The following NRDC variants were observed in gnomAD, a reference collection of about 807,000 sequenced individuals.
The protein encoded by NRDC is nardilysin.
NRDC carries 54 observed loss-of-function variants against 147.1 expected under a neutral mutation model. The observed-to-expected ratio is 0.37, with a 90% CI of 0.29 to 0.46. NRDC has a LOEUF of 0.46. Ranked by LOEUF, NRDC falls within the 20% of genes least tolerant of loss-of-function variation. The pLI is 1.00. For missense variants in NRDC, 1,082 were observed against 1,370.6 expected (o/e 0.79, Z 3.33); for synonymous variants, 440 against 482.1 (o/e 0.91, Z 1.14).
At chr1:51,800,905 A>G in intron 20 of NRDC, 1 of 480,422 alleles carries the variant, frequency 2.1e-6, no homozygotes, top group Non-Finnish European at 3.7e-6. Context: ...CAGTGGTACT[A>G]TCGACTGTAA....
chr1:51,819,999 G>A (rs1360460180), intron 8 of NRDC, 126 bp from the exon 9 acceptor site: 10 of 697,464 alleles, frequency 1.4e-5, no homozygotes, highest in Non-Finnish European at 2.4e-5. Context: ...AAGCATTCCA[G>A]GCATGAACAA....
intron 1 of NRDC, among the ~76,000 whole-genome samples, chr1:51,871,075 G>A (rs1050082896): frequency 1.1e-4 from 17 of 152,178 alleles, no homozygotes; most frequent in Middle Eastern, 3.4e-3. Context: ...CCAGCACTTT[G>A]GGAGGCTGAG....
chr1:51,789,635 G>A lies in NRDC; in HGVS notation c.3191C>T (p.Ser1064Leu), dbSNP rs766167929. The A allele has an allele frequency of 7.4e-6, 12 of 1,613,266 alleles. No homozygotes were observed. The highest frequency in any genetic ancestry group is 9.3e-6 in the Non-Finnish European group (11 of 1,179,376). The part of the protein sequence containing the change: ...AHEIEALKSF[S>L]KSDLVNWFKA... Reference sequence around the variant, plus strand: ...GAACCAGTTGACCAGGTCTGATTTTGAGAATGACTTCAGTGCTTCAATCTT... The same window carrying A: ...GAACCAGTTGACCAGGTCTGATTTTAAGAATGACTTCAGTGCTTCAATCTT... The change falls in exon 30 of 31, where the codon TCA (serine) becomes TTA (leucine). Residue 1064 changes from serine (S) to leucine (L), a missense_variant. Physicochemically the swap from Ser to Leu is moderately radical, Grantham distance 145. Around this residue, in one of 3 missense-constraint regions of NRDC, gnomAD observed 187 missense variants for 193.6 expected, o/e 0.97. Transcript: ENST00000352171.
At chr1:51,806,639 G>A (rs1409478714) in intron 18 of NRDC, among the ~76,000 whole-genome samples, 155 bp downstream of exon 18, 1 of 152,198 alleles carries the variant, frequency 6.6e-6, no homozygotes, top group East Asian at 1.9e-4. Context: ...TTTAGGGAGG[G>A]TGAGAGGGCA....
Position 51,836,219 on chromosome 1 carries a change from T to A in NRDC, c.631-7A>T, listed in dbSNP as rs777166188. On this transcript the variant is annotated splice_region_variant and splice_polypyrimidine_tract_variant and intron_variant, in intron 2 of 30. Coordinates refer to ENST00000352171, the MANE Select transcript of NRDC (RefSeq NM_001101662.2). The stretch of plus-strand genomic sequence containing the variant: ...CACAAAGAGCCGCTGCAGACTGGAG[T>A]AATTAGAACACATACAAATAGTTGA... 5.0e-6 allele frequency: 8 copies of A among 1,613,352 alleles called. No homozygotes were observed. The highest frequency in any genetic ancestry group is 4.2e-6 in the Non-Finnish European group (5 of 1,179,500).
chr1:51,848,834 G>A (rs1262664389), intron 1 of NRDC, among the ~76,000 whole-genome samples: 1 of 152,180 alleles, frequency 6.6e-6, no homozygotes, highest in East Asian at 1.9e-4. Context: ...TTTTATGGAT[G>A]AGGAAACTGA....
chr1:51,842,176 A>C (rs1278098926), intron 1 of NRDC, among the ~76,000 whole-genome samples: 5 of 151,348 alleles, frequency 3.3e-5, no homozygotes, highest in Non-Finnish European at 5.9e-5. Context: ...TGTCCCAAAA[A>C]TTAATAAATA....
At chr1:51,846,538 G>A (rs911889924) in intron 1 of NRDC, among the ~76,000 whole-genome samples, 14 of 152,230 alleles carry the variant, frequency 9.2e-5, no homozygotes, top group African/African-American at 2.9e-4. Flanking sequence ...TCTTAAAAGC[G>A]GCTTGTTTGG....
intron 2 of NRDC, chr1:51,840,002 TA>T (rs1373976144): frequency 2.5e-6 from 1 of 404,968 alleles, no homozygotes; most frequent in Non-Finnish European, 4.3e-6. Context: ...GGGTGATTTT[TA>T]TATTTTTGTT....
chr1:51,807,376 A>T (rs1026631434), intron 17 of NRDC, among the ~76,000 whole-genome samples: 2 of 152,194 alleles, frequency 1.3e-5, no homozygotes, highest in Non-Finnish European at 2.9e-5. Flanking sequence ...AAAAATAGCT[A>T]ATTTTTAAAA....
In NRDC at chr1:51,794,614, C is replaced by T. The variant is rs968384592; in HGVS notation, c.2637-4G>A. On this transcript the variant is annotated splice_polypyrimidine_tract_variant and splice_region_variant and intron_variant, in intron 23 of 30. Coordinates refer to ENST00000352171, the MANE Select transcript of NRDC (RefSeq NM_001101662.2). Reference sequence around the variant, plus strand: ...CAGAGGCTTGAAGTTTAGTTTGCTGCAAGAGAATCAGTATGGGTCACTGAG... The same window carrying T: ...CAGAGGCTTGAAGTTTAGTTTGCTGTAAGAGAATCAGTATGGGTCACTGAG... 3 of 1,613,858 alleles carry T rather than the reference C, an allele frequency of 1.9e-6. No individual in the cohort carries two copies. Among genetic ancestry groups the T allele is most frequent in the East Asian group, 2.2e-5 (1 of 44,876 alleles).
At position 51,821,515 on chromosome 1, in the gene NRDC, G is replaced by A; in HGVS notation, c.1200C>T (p.Phe400=). Residue 400 remains phenylalanine, a synonymous_variant, in exon 8 of 31, where the codon TTC becomes TTT. Transcript: ENST00000352171. ...TATCTTACTTGTTTGGTATCTGAGA[G>A]AAGATTTCAGTCACCCACTTTTCCA... ...DTLEKWVTEI[F]SQIPNNGLPR... is the part of the protein sequence containing the mutation. 6.2e-7 allele frequency: 1 copy of A among 1,606,710 alleles called. No homozygotes were observed. The highest frequency in any genetic ancestry group is 8.5e-7 in the Non-Finnish European group (1 of 1,173,374).
intron 24 of NRDC, 67 bp downstream of exon 24, chr1:51,794,405 G>A (rs1678789739): frequency 3.9e-6 from 6 of 1,526,868 alleles, no homozygotes; most frequent in Non-Finnish European, 5.4e-6. Context: ...AAAGGGCCTT[G>A]AAGGTCACGG....
chr1:51,877,233 G>A (rs1050312211), intron 1 of NRDC, among the ~76,000 whole-genome samples: 1 of 152,116 alleles, frequency 6.6e-6, no homozygotes. Flanking sequence ...TTTGGTGTCA[G>A]ATAGTAGGGG....
intron 1 of NRDC, among the ~76,000 whole-genome samples, chr1:51,843,891 G>T (rs1227168797): frequency 1.3e-5 from 2 of 150,506 alleles, no homozygotes; most frequent in African/African-American, 4.9e-5. Flanking sequence ...GCCAGGGAAG[G>T]GGAACTTTAC....
intron 1 of NRDC, among the ~76,000 whole-genome samples, chr1:51,843,741 A>G (rs948498609): frequency 1.3e-5 from 2 of 152,276 alleles, no homozygotes; most frequent in South Asian, 2.1e-4. Flanking sequence ...TCCAAGAGCT[A>G]TTTTCCAAGA....
rs113170067 is a variant in NRDC at position 51,877,962 on chromosome 1, A to G, written c.341+313T>C. The G allele has an allele frequency of 1.0e-5, 12 of 1,163,336 alleles. No individual in the cohort carries two copies. In the African/African-American group the frequency reaches 1.1e-4, roughly 11 times the overall value. 72.1% of individuals were successfully genotyped at this position (1,163,336 alleles called of 1,614,324 possible). A position where few individuals can be genotyped will look rare whatever the true frequency, so the allele number is the denominator to read the frequency against. On this transcript the variant is annotated intron_variant, in intron 1 of 30. Coordinates refer to ENST00000352171, the MANE Select transcript of NRDC (RefSeq NM_001101662.2). Reference sequence around the variant, plus strand: ...AACTCCGTCAACCTTTCCTGGTAACATAATACCAAGACTCCCTCACCATTC... The same window carrying G: ...AACTCCGTCAACCTTTCCTGGTAACGTAATACCAAGACTCCCTCACCATTC...
rs1199564284 is a variant in NRDC at position 51,807,659 on chromosome 1, A to T, written c.1991-746T>A. On this transcript the variant is annotated intron_variant, in intron 17 of 30. Transcript: ENST00000352171. ...CAGGTCAAGGCTGCAGTGAGCCATG[A>T]TCATGCCACTGCACTCCAACCTGGG... 3.3e-5 allele frequency among the ~76,000 whole-genome samples: 5 copies of T among 152,272 alleles called. No individual in the cohort carries two copies. The East Asian group carries it at 9.7e-4, about 29-fold the overall frequency.
At chr1:51,862,451 G>T (rs1682590511) in intron 1 of NRDC, 1 of 152,492 alleles carries the variant, frequency 6.6e-6, no homozygotes, top group South Asian at 2.1e-4. Flanking sequence ...GGCTGAGTGT[G>T]GTGGCTCATG....
Sources: gnomAD v4.1 joint callset for allele counts (sites outside exome capture counted in the v4.1 genomes callset) on GRCh38, gnomAD v4.1.1 for gene constraint, gnomAD v4.1.1 regional missense constraint, MANE v1.5 for transcripts, NCBI Gene and HGNC (gene_info 2026-07-23, HGNC 2026-07-21) for gene names.